FAM184A: variants seen among roughly 807,000 people sequenced by gnomAD.
The protein encoded by FAM184A is protein FAM184A.
A neutral mutation model predicts 143.8 loss-of-function variants in FAM184A; 99 were observed. The ratio of observed to expected loss-of-function variants is 0.69; its 90% confidence interval spans 0.58 to 0.81. The LOEUF (loss-of-function observed/expected upper bound fraction) is 0.81. Among genes scored for constraint, FAM184A ranks in the 40% least tolerant of loss-of-function variants. The pLI, the probability that FAM184A is intolerant of heterozygous loss-of-function variation, is 0.00. For missense variants in FAM184A, 1,217 were observed against 1,310.5 expected, an observed-to-expected ratio of 0.93 and a Z score of 1.10; for synonymous variants, 427 against 446.4, an observed-to-expected ratio of 0.96 and a Z score of 0.55.
intron 4 of FAM184A, among the ~76,000 whole-genome samples, chr6:119,018,222 G>T (rs1785330337): frequency 6.6e-6 from 1 of 152,212 alleles, no homozygotes; most frequent in Admixed American, 6.5e-5. Context: ...TTCAGAGAGA[G>T]AGAGACAAAG....
intron 7 of FAM184A, 87 bp downstream of exon 7, chr6:119,006,360 T>C (rs1414640389): frequency 6.6e-6 from 8 of 1,204,172 alleles, no homozygotes; most frequent in East Asian, 2.3e-5. Flanking sequence ...TTATATACAA[T>C]GTGCTGTTTA....
chr6:118,981,042 T>A (rs1038694508), intron 9 of FAM184A, among the ~76,000 whole-genome samples: 1 of 152,224 alleles, frequency 6.6e-6, no homozygotes, highest in Non-Finnish European at 1.5e-5. Context: ...AATCTTTTAT[T>A]CAGCCATTAT....
chr6:119,089,186 C>CTTTA (rs78123118), intron 1 of FAM184A, among the ~76,000 whole-genome samples: 35,413 of 142,200 alleles, frequency 0.25, 4,738 homozygotes, highest in Middle Eastern at 0.31. Context: ...ATCTCTCTCT[C>CTTTA]TTTATTTATT....
Position 118,970,008 on chromosome 6 carries a change from ATT to A in FAM184A, c.2916-3058_2916-3057del, listed in dbSNP as rs11272298. Among the ~76,000 whole-genome samples the A allele has an allele frequency of 2.1e-4, 4 of 19,044 alleles. 1 individual carries two copies. The highest frequency in any genetic ancestry group is 4.6e-4 in the African/African-American group (3 of 6,474). 12.5% of individuals were successfully genotyped at this position (19,044 alleles called of 152,430 possible). On this transcript the variant is annotated intron_variant, in intron 14 of 17. Transcript: ENST00000338891. ...ATATATATATAATATATATATATAT[ATT>A]TTTTTTTTTTTGAGATGGAGTTTTG...
intron 5 of FAM184A, among the ~76,000 whole-genome samples, chr6:119,013,115 A>C (rs1158648420): frequency 1.3e-5 from 2 of 152,192 alleles, no homozygotes; most frequent in Non-Finnish European, 2.9e-5. Context: ...GATAAAAAAA[A>C]AAAGAAGGGT....
rs552468822 is a variant in FAM184A at position 119,142,731 on chromosome 6, G to A, written c.-202+6347C>T. On this transcript the variant is annotated intron_variant, in intron 1 of 16. Transcript: ENST00000352896. ...GGAGGAGGAGTGTTGTGGTTGAATT[G>A]TGTCTCCCCGAAAGATATGTTGAAG... is the stretch of plus-strand genomic sequence containing the variant. Among the ~76,000 whole-genome samples, 6 of 152,264 alleles carry A rather than the reference G, an allele frequency of 3.9e-5. No homozygotes were observed. The South Asian group carries it at 1.0e-3, about 26-fold the overall frequency.
intron 1 of FAM184A, among the ~76,000 whole-genome samples, chr6:119,107,997 A>G (rs1025195575): frequency 2.6e-5 from 4 of 152,150 alleles, no homozygotes; most frequent in African/African-American, 7.2e-5. Flanking sequence ...AAGGTTAATC[A>G]GGTATTGTTC....
At chr6:119,049,768 G>A (rs1368691287) in intron 1 of FAM184A, among the ~76,000 whole-genome samples, 4 of 152,166 alleles carry the variant, frequency 2.6e-5, no homozygotes, top group South Asian at 2.1e-4. Context: ...CAGGACACAG[G>A]AATGGGCAAA....
At chr6:119,025,402 A>C (rs1785595012) in intron 1 of FAM184A, 2 of 515,442 alleles carry the variant, frequency 3.9e-6, no homozygotes. Flanking sequence ...TCAAGTTTCT[A>C]GTGATCTCTT....
intron 1 of FAM184A, among the ~76,000 whole-genome samples, chr6:119,134,688 G>GA (rs1037801110): frequency 2.0e-5 from 3 of 147,744 alleles, no homozygotes; most frequent in Non-Finnish European, 3.0e-5. Context: ...AATAAAAAAA[G>GA]AAAAAAAAGT....
chr6:119,074,604 A>C (rs963919564), intron 1 of FAM184A, among the ~76,000 whole-genome samples: 1 of 138,202 alleles, frequency 7.2e-6, no homozygotes, highest in Non-Finnish European at 1.6e-5. Context: ...TGAAAGTGAC[A>C]AAAAAAAAGC....
chr6:119,123,222 C>T, intron 1 of FAM184A, among the ~76,000 whole-genome samples: 1 of 151,990 alleles, frequency 6.6e-6, no homozygotes, highest in Non-Finnish European at 1.5e-5. Context: ...AACCCCATCT[C>T]TACTAAAAAT....
chr6:118,986,391 A>C (rs1045861034), intron 9 of FAM184A, among the ~76,000 whole-genome samples: 1 of 152,228 alleles, frequency 6.6e-6, no homozygotes, highest in Non-Finnish European at 1.5e-5. Context: ...ATGTATCAAT[A>C]ACAGTCACTT....
chr6:119,049,368 A>T (rs1786660198), intron 1 of FAM184A, among the ~76,000 whole-genome samples: 1 of 152,234 alleles, frequency 6.6e-6, no homozygotes, highest in Non-Finnish European at 1.5e-5. Context: ...GAATCACTTG[A>T]ACCTGGGAGG....
At chr6:119,131,627 A>G (rs937138829) in intron 1 of FAM184A, among the ~76,000 whole-genome samples, 3 of 152,072 alleles carry the variant, frequency 2.0e-5, no homozygotes, top group Non-Finnish European at 4.4e-5. Context: ...CTGGGCACAC[A>G]GGTATGTGCC....
chr6:119,080,585 C>T (rs1788034407), upstream of FAM184A, among the ~76,000 whole-genome samples: 1 of 152,122 alleles, frequency 6.6e-6, no homozygotes, highest in African/African-American at 2.4e-5. Flanking sequence ...TATCCTTTAT[C>T]CAAAATGCTT....
At chr6:119,034,737 T>C (rs1016597356) in intron 1 of FAM184A, among the ~76,000 whole-genome samples, 7 of 152,166 alleles carry the variant, frequency 4.6e-5, no homozygotes, top group South Asian at 2.1e-4. Flanking sequence ...CATTGTGGCT[T>C]CTCAATCCAT....
rs372798324 is a variant in FAM184A at position 118,989,458 on chromosome 6, CTT to C, written c.2089-9110_2089-9109del. On this transcript the variant is annotated intron_variant, in intron 9 of 17. Transcript: ENST00000338891. ...TAATTTTCAGAAAGAATGCAATTTT[CTT>C]TTGTTTCCATTTTTTGCATATTGCA... is the stretch of plus-strand genomic sequence containing the variant. Among the ~76,000 whole-genome samples the C allele has an allele frequency of 1.9e-3, 228 of 117,106 alleles. 1 individual carries two copies. Among genetic ancestry groups the C allele is most frequent in the African/African-American group, 6.5e-3 (223 of 34,260 alleles). 76.8% of individuals were successfully genotyped at this position (117,106 alleles called of 152,430 possible). A position where few individuals can be genotyped will look rare whatever the true frequency, so the allele number is the denominator to read the frequency against.
chr6:119,036,572 G>C (rs997184423), intron 1 of FAM184A, among the ~76,000 whole-genome samples: 1 of 151,880 alleles, frequency 6.6e-6, no homozygotes, highest in Non-Finnish European at 1.5e-5. Flanking sequence ...GATTTAACTT[G>C]AATTCTCAAA....
Sources: allele counts gnomAD v4.1 joint callset (sites outside exome capture counted in the v4.1 genomes callset), GRCh38; gene constraint gnomAD v4.1.1; transcripts MANE v1.5; gene names NCBI Gene and HGNC (gene_info 2026-07-23, HGNC 2026-07-21).